FHIT: variants seen among roughly 807,000 people sequenced by gnomAD.
FHIT encodes bis(5'-adenosyl)-triphosphatase.
FHIT carries 19 observed loss-of-function variants against 17.9 expected under a neutral mutation model. The ratio of observed to expected loss-of-function variants is 1.06; its 90% CI spans 0.74 to 1.56. The LOEUF is 1.56. Ranked by LOEUF, FHIT falls within the 40% of genes most tolerant of loss-of-function variation. FHIT has a pLI of 0.00. For synonymous variants in FHIT, 81 were observed against 69.7 expected (o/e 1.16, Z -0.81); for missense variants, 248 against 189.2 (o/e 1.31, Z -1.82).
chr3:59,954,030 C>G (rs1465599240), intron 7 of FHIT, among the ~76,000 whole-genome samples: 2 of 152,098 alleles, frequency 1.3e-5, no homozygotes, highest in Non-Finnish European at 1.5e-5. Context: ...AGTGTTAATG[C>G]TGAAGTTGGG....
intron 3 of FHIT, among the ~76,000 whole-genome samples, chr3:60,921,725 T>A (rs111828464): frequency 0.016 from 2,497 of 152,262 alleles, 81 homozygotes; most frequent in African/African-American, 0.056. Flanking sequence ...GAAAAACTGC[T>A]TCAAATATGA....
intron 2 of FHIT, among the ~76,000 whole-genome samples, chr3:61,154,021 C>G (rs2037465560): frequency 6.6e-6 from 1 of 152,316 alleles, no homozygotes; most frequent in South Asian, 2.1e-4. Flanking sequence ...CATTCTGTGC[C>G]TCTGCTCCCA....
At chr3:59,847,965 C>G (rs932066189) in intron 8 of FHIT, among the ~76,000 whole-genome samples, 1 of 152,146 alleles carries the variant, frequency 6.6e-6, no homozygotes, top group African/African-American at 2.4e-5. Flanking sequence ...AAAAAGGCAT[C>G]AGCCCTTTAA....
intron 1 of FHIT, among the ~76,000 whole-genome samples, chr3:61,237,590 A>G (rs969588485): frequency 6.6e-6 from 1 of 152,228 alleles, no homozygotes; most frequent in Non-Finnish European, 1.5e-5. Flanking sequence ...TAAAAACTGG[A>G]ATGCATGTAT....
intron 5 of FHIT, among the ~76,000 whole-genome samples, chr3:60,021,251 G>A (rs1468375435): frequency 6.6e-6 from 1 of 152,162 alleles, no homozygotes; most frequent in Non-Finnish European, 1.5e-5. Context: ...TCTGGAGGAA[G>A]AGAACCCAGG....
intron 5 of FHIT, among the ~76,000 whole-genome samples, chr3:60,057,692 C>CG (rs1248416796): frequency 1.4e-5 from 2 of 145,994 alleles, no homozygotes; most frequent in Non-Finnish European, 1.5e-5. Flanking sequence ...TCAGGCCTCT[C>CG]GAAAAAAAAA....
chr3:60,814,313 G>A (rs1041696054), intron 4 of FHIT, among the ~76,000 whole-genome samples: 4 of 152,046 alleles, frequency 2.6e-5, no homozygotes, highest in Admixed American at 6.6e-5. Context: ...CCCAGGTACT[G>A]AGCATAGTAC....
In FHIT at chr3:60,030,746, C is replaced by T. The variant is rs115228320; in HGVS notation, c.104-16594G>A. Among the ~76,000 whole-genome samples, 699 of 151,774 alleles carry T rather than the reference C, an allele frequency of 4.6e-3. 8 individuals carry two copies. The highest frequency in any genetic ancestry group is 0.016 in the African/African-American group (661 of 41,398). On this transcript the variant is annotated intron_variant, in intron 5 of 9. Transcript: ENST00000492590. ...TGGATGGATGGCTGGGATGCATGGA[C>T]GGATGGTAGATGACTGGGTGGGTGG...
At chr3:60,905,314 T>C (rs983261208) in intron 3 of FHIT, among the ~76,000 whole-genome samples, 1 of 152,100 alleles carries the variant, frequency 6.6e-6, no homozygotes, top group Non-Finnish European at 1.5e-5. Context: ...GCAAACAGAG[T>C]GTAGAGCAAC....
chr3:61,214,848 C>G (rs1471753996), intron 1 of FHIT, among the ~76,000 whole-genome samples: 4 of 152,062 alleles, frequency 2.6e-5, no homozygotes, highest in Non-Finnish European at 4.4e-5. Context: ...CAAGGCTGGT[C>G]CAATGTATGC....
intron 5 of FHIT, among the ~76,000 whole-genome samples, chr3:60,371,047 C>T (rs1484592866): frequency 6.6e-6 from 1 of 152,170 alleles, no homozygotes; most frequent in Non-Finnish European, 1.5e-5. Context: ...CAAGGCAAAC[C>T]ATCCACATGC....
rs150572606 is a variant in FHIT at position 60,621,788 on chromosome 3, G to A, written c.-17-84809C>T. ...ACTGGGAGGCTGAGGAGGGAAGATC[G>A]CTGGAGCACAGGAGATTAAGGGTAC... On this transcript the variant is annotated intron_variant, in intron 4 of 9. Transcript: ENST00000492590. 6.1e-4 allele frequency among the ~76,000 whole-genome samples: 92 copies of A among 151,736 alleles called. 1 individual carries two copies. Among genetic ancestry groups the A allele is most frequent in the Middle Eastern group, 6.8e-3 (2 of 294 alleles).
rs546801825 is a variant in FHIT at position 59,804,640 on chromosome 3, A to T, written c.349-52319T>A. Among the ~76,000 whole-genome samples the T allele has an allele frequency of 3.9e-5, 6 of 152,282 alleles. No individual in the cohort carries two copies. The South Asian group carries it at 1.2e-3, about 32-fold the overall frequency. On this transcript the variant is annotated intron_variant, in intron 8 of 9. Transcript: ENST00000492590. ...TGCCCTATGTAAATGAAGAGGATGA[A>T]GTAAAGTTATGAAGTCATTTACTTG...
intron 2 of FHIT, among the ~76,000 whole-genome samples, chr3:61,195,533 C>T (rs2038831377): frequency 6.6e-6 from 1 of 152,082 alleles, no homozygotes; most frequent in Non-Finnish European, 1.5e-5. Context: ...AGTTCTCAAA[C>T]CTGCTGATCA....
At chr3:60,326,664 G>T (rs1020776099) in intron 5 of FHIT, among the ~76,000 whole-genome samples, 1 of 152,232 alleles carries the variant, frequency 6.6e-6, no homozygotes, top group Non-Finnish European at 1.5e-5. Context: ...CAGAGTGAAT[G>T]GTAATTACTG....
At chr3:60,151,573 G>C (rs74365444) in intron 5 of FHIT, among the ~76,000 whole-genome samples, 1 of 152,064 alleles carries the variant, frequency 6.6e-6, no homozygotes, top group Non-Finnish European at 1.5e-5. Flanking sequence ...AGGTCTTCTC[G>C]ATTTGATTTG....
At chr3:60,972,543 C>T (rs1166282491) in intron 3 of FHIT, among the ~76,000 whole-genome samples, 1 of 150,440 alleles carries the variant, frequency 6.6e-6, no homozygotes, top group African/African-American at 2.4e-5. Context: ...CAATATGCCT[C>T]CATATTTTAT....
chr3:59,889,784 A>AATATCTG (rs1405506173), intron 8 of FHIT, among the ~76,000 whole-genome samples: 4 of 152,264 alleles, frequency 2.6e-5, no homozygotes, highest in Admixed American at 1.3e-4. Context: ...GTTCATAAGC[A>AATATCTG]CACACATAAG....
chr3:60,100,072 T>C (rs1007839797), intron 5 of FHIT, among the ~76,000 whole-genome samples: 1 of 152,150 alleles, frequency 6.6e-6, no homozygotes, highest in East Asian at 1.9e-4. Flanking sequence ...GCCCTGACCC[T>C]GACAATCAGG....
Sources: allele counts gnomAD v4.1 joint callset (sites outside exome capture counted in the v4.1 genomes callset), GRCh38; gene constraint gnomAD v4.1.1; transcripts MANE v1.5; gene names NCBI Gene and HGNC (gene_info 2026-07-23, HGNC 2026-07-21).